The following MOV10L1 variants were observed in gnomAD, a reference collection of about 807,000 sequenced individuals.
MOV10L1 encodes the protein Mov10 like RNA helicase 1, also known as RNA helicase Mov10l1.
MOV10L1 carries 110 observed loss-of-function variants against 143.8 expected under a neutral mutation model. The ratio of observed to expected loss-of-function variants is 0.76; its 90% CI spans 0.66 to 0.90. The LOEUF (loss-of-function observed/expected upper bound fraction) is 0.90, where lower values mean the gene tolerates loss of function less well. MOV10L1 is among the 40% of genes least tolerant of loss of function. The pLI is 0.00. For missense variants in MOV10L1, 1,406 were observed against 1,526.8 expected, an observed-to-expected ratio of 0.92 and a Z score of 1.32; for synonymous variants, 593 against 581.1, an observed-to-expected ratio of 1.02 and a Z score of -0.29.
chr22:50,090,266 G>T, intron 1 of MOV10L1, 81 bp downstream of exon 1: 1 of 1,431,348 alleles, frequency 7.0e-7, no homozygotes. Context: ...ATAGGTCTTT[G>T]AGTGCAGTGC....
rs936725080 is a variant in MOV10L1, at chr22:50,125,667, C to A, written c.1747+98C>A. On this transcript the variant is annotated intron_variant, in intron 11 of 26. Transcript: ENST00000262794. The stretch of plus-strand genomic sequence containing the variant: ...ACTGGCAATATGACAGTCACATTAT[C>A]GCATTTTCTTTCTTTTGGGTTAGAA... The A allele has an allele frequency of 3.2e-6, 4 of 1,238,176 alleles. No individual in the cohort carries two copies. In the South Asian group the frequency reaches 5.0e-5, roughly 16 times the overall value. The allele number at this position is 1,238,176 out of a possible 1,614,324, so 76.7% of individuals were successfully genotyped here.
chr22:50,143,234 G>GC lies in MOV10L1; in HGVS notation c.2358+14dup, dbSNP rs748411218. 46 of 1,613,444 alleles carry GC rather than the reference G, an allele frequency of 2.9e-5. No homozygotes were observed. Among genetic ancestry groups the GC allele is most frequent in the Non-Finnish European group, 3.8e-5 (45 of 1,179,694 alleles). On this transcript the variant is annotated intron_variant, in intron 17 of 26. Transcript: ENST00000262794. ...GGCTGTTTTACAGGTAAGGACAGCG[G>GC]CGCCGCGGGTGCTGTGGCTCTGTGC...
intron 22 of MOV10L1, 27 bp downstream of exon 22, chr22:50,153,245 G>C: frequency 6.3e-7 from 1 of 1,599,296 alleles, no homozygotes; most frequent in East Asian, 2.2e-5. Flanking sequence ...ATCCGTAGGT[G>C]ACCGTGTCGG....
chr22:50,148,815 C>T (rs2063220397), intron 19 of MOV10L1, among the ~76,000 whole-genome samples: 1 of 152,160 alleles, frequency 6.6e-6, no homozygotes, highest in South Asian at 2.1e-4. Context: ...AGGCGCCCGC[C>T]ACCACACCCG....
Position 50,161,467 on chromosome 22 carries a change from C to T in MOV10L1, c.*18C>T. 6.4e-7 allele frequency: 1 copy of T among 1,568,300 alleles called. No individual in the cohort carries two copies. Among genetic ancestry groups the T allele is most frequent in the Non-Finnish European group, 8.6e-7 (1 of 1,156,356 alleles). On this transcript the variant is annotated 3_prime_UTR_variant, in exon 27 of 27. Coordinates refer to ENST00000262794, the MANE Select transcript of MOV10L1 (RefSeq NM_018995.3). ...CCAGCTGATCTGCAGTGGCTGACAG[C>T]AGGGAGGCCATGTGCTCAGCCTGGC...
intron 21 of MOV10L1, 44 bp downstream of exon 21, chr22:50,150,943 A>T: frequency 6.2e-7 from 1 of 1,611,656 alleles, no homozygotes; most frequent in Non-Finnish European, 8.5e-7. Flanking sequence ...AGCTAAGCAG[A>T]CACAGGCTCC....
intron 19 of MOV10L1, among the ~76,000 whole-genome samples, chr22:50,146,620 AAC>A (rs1288496245): frequency 6.6e-5 from 10 of 151,954 alleles, no homozygotes; most frequent in Non-Finnish European, 1.3e-4. Context: ...GGTCGCTCTG[AAC>A]AGTGTCCAGC....
At chr22:50,102,813 A>G (rs1555977162) in intron 3 of MOV10L1, among the ~76,000 whole-genome samples, 3 of 152,172 alleles carry the variant, frequency 2.0e-5, no homozygotes, top group African/African-American at 4.8e-5. Context: ...AGGCAGGAGA[A>G]TCGCTTGAAC....
At chr22:50,144,811 G>C (rs999799346) in intron 18 of MOV10L1, among the ~76,000 whole-genome samples, 1 of 152,062 alleles carries the variant, frequency 6.6e-6, no homozygotes, top group Admixed American at 6.5e-5. Flanking sequence ...TCGATCTCCT[G>C]ACCTCATGAT....
At chr22:50,121,663 C>T (rs754687623) in intron 10 of MOV10L1, among the ~76,000 whole-genome samples, 3 of 152,194 alleles carry the variant, frequency 2.0e-5, no homozygotes, top group Non-Finnish European at 2.9e-5. Context: ...TAGGCAAATG[C>T]CTGAATGGTT....
intron 13 of MOV10L1, among the ~76,000 whole-genome samples, chr22:50,132,109 T>C (rs1456611452): frequency 6.6e-6 from 1 of 152,144 alleles, no homozygotes; most frequent in Non-Finnish European, 1.5e-5. Context: ...CATGACCTAA[T>C]CACTTGCCAA....
intron 8 of MOV10L1, among the ~76,000 whole-genome samples, chr22:50,115,993 C>A (rs2062162943): frequency 6.6e-6 from 1 of 152,214 alleles, no homozygotes; most frequent in Non-Finnish European, 1.5e-5. Flanking sequence ...CATCAGCTGA[C>A]CAAACAGGCC....
intron 5 of MOV10L1, among the ~76,000 whole-genome samples, chr22:50,112,130 A>C (rs2062041607): frequency 6.6e-6 from 1 of 152,220 alleles, no homozygotes; most frequent in Non-Finnish European, 1.5e-5. Context: ...GCCCACTGGC[A>C]GATGCTTGTT....
At position 50,128,429 on chromosome 22, in the gene MOV10L1, A is replaced by T. The variant is rs764334184; in HGVS notation, c.1832A>T (p.Asp611Val). Residue 611 changes from aspartate to valine, a missense_variant, in exon 13 of 27, where the codon GAT becomes GTT. Asp to Val is a radical substitution (Grantham distance 152). This residue lies in a region of MOV10L1 where 1,233 missense variants were observed against 1,351.4 expected (regional missense o/e 0.91). Coordinates refer to ENST00000262794, the MANE Select transcript of MOV10L1 (RefSeq NM_018995.3). ...ISYVTEIHEE[D>V]VTLKINPEFE... ...TTCCTTTTTTAGATTCATGAAGAAG[A>T]TGTAACTCTTAAAATTAATCCAGAA... 1 of 1,511,384 alleles carries T rather than the reference A, an allele frequency of 6.6e-7. No individual in the cohort carries two copies. The highest frequency in any genetic ancestry group is 9.1e-7 in the Non-Finnish European group (1 of 1,096,176). The allele number at this position is 1,511,384 out of a possible 1,614,324, so 93.6% of individuals were successfully genotyped here. A position where few individuals can be genotyped will look rare whatever the true frequency, so the allele number is the denominator to read the frequency against.
Position 50,120,596 on chromosome 22 carries a change from TTC to T in MOV10L1, c.1550_1551del (p.Phe517SerfsTer24), listed in dbSNP as rs2062311274. ...GGAACAAAAAATTGACATCCTGACT[TTC>T]CAGCCATTACTTGCAGAGGTAGGAA... ...CVEQKIDILT[F>X]QPLLAELLNM... On this transcript the variant is annotated frameshift_variant, in exon 10 of 27. Transcript: ENST00000262794. LOFTEE classifies it high-confidence loss of function. The T allele has an allele frequency of 2.5e-6, 4 of 1,611,072 alleles. No homozygotes were observed. Among genetic ancestry groups the T allele is most frequent in the Non-Finnish European group, 8.5e-7 (1 of 1,177,544 alleles).
intron 15 of MOV10L1, among the ~76,000 whole-genome samples, chr22:50,140,745 C>T (rs553711159): frequency 7.3e-6 from 1 of 137,868 alleles, no homozygotes; most frequent in Non-Finnish European, 1.6e-5. Flanking sequence ...TTTTTTGAGA[C>T]AGAGTCTTCC....
intron 5 of MOV10L1, among the ~76,000 whole-genome samples, chr22:50,112,482 C>T (rs1411089534): frequency 1.3e-5 from 2 of 152,170 alleles, no homozygotes; most frequent in African/African-American, 4.8e-5. Context: ...TTCAGGAACT[C>T]ACTAGGGCCG....
Position 50,159,797 on chromosome 22 carries a change from T to C in MOV10L1, c.3324+12T>C, listed in dbSNP as rs2063509832. ...TCATCATTTCGACCGTAGGTATCCC[T>C]GTTCTCCGTGGGGATGGACAGTCAG... On this transcript the variant is annotated intron_variant, in intron 24 of 26. Coordinates refer to ENST00000262794, the MANE Select transcript of MOV10L1 (RefSeq NM_018995.3). The surrounding 1 kb of genome is among the most constrained non-coding windows in gnomAD (Gnocchi z 4.1). 1 of 1,567,410 alleles carries C rather than the reference T, an allele frequency of 6.4e-7. No individual in the cohort carries two copies. Among genetic ancestry groups the C allele is most frequent in the East Asian group, 2.2e-5 (1 of 44,552 alleles).
intron 10 of MOV10L1, among the ~76,000 whole-genome samples, 194 bp from the exon 11 acceptor site, chr22:50,125,198 G>A (rs2090696107): frequency 1.3e-5 from 2 of 152,198 alleles, no homozygotes; most frequent in Admixed American, 1.3e-4. Flanking sequence ...GCCAGGGAGT[G>A]TGCTGGAGCC....
Sources: allele counts gnomAD v4.1 joint callset (sites outside exome capture counted in the v4.1 genomes callset), GRCh38; gene constraint gnomAD v4.1.1; regional missense constraint gnomAD v4.1.1; non-coding constraint Gnocchi (gnomAD v3.1); transcripts MANE v1.5; gene names NCBI Gene and HGNC (gene_info 2026-07-23, HGNC 2026-07-21).